The following MTA1 variants were observed in gnomAD, a reference collection of about 807,000 sequenced individuals.
The protein encoded by MTA1 is metastasis associated 1, also known as metastasis-associated protein MTA1.
MTA1 carries 15 observed loss-of-function variants against 97.0 expected under a neutral mutation model. The observed-to-expected ratio is 0.15, with a 90% CI of 0.10 to 0.24. The LOEUF (loss-of-function observed/expected upper bound fraction) is 0.24. Ranked by LOEUF, MTA1 falls within the 10% of genes least tolerant of loss-of-function variation. The pLI, the probability that MTA1 is intolerant of heterozygous loss-of-function variation, is 1.00. For synonymous variants in MTA1, 435 were observed against 417.5 expected, an observed-to-expected ratio of 1.04 and a Z score of -0.51; for missense variants, 709 against 1,015.1, an observed-to-expected ratio of 0.70 and a Z score of 4.10.
Position 105,464,661 on chromosome 14 carries a change from C to T in MTA1, c.1345-13C>T. On this transcript the variant is annotated splice_polypyrimidine_tract_variant and intron_variant, in intron 14 of 20. Transcript: ENST00000331320. ...ATGGCGCTGTGTTGGGGCGGTTGCG[C>T]CCCCTTCCGCAGAGTCCCCACGGCC... The T allele has an allele frequency of 6.2e-7, 1 of 1,602,422 alleles. No homozygotes were observed. Among genetic ancestry groups the T allele is most frequent in the Non-Finnish European group, 8.5e-7 (1 of 1,172,538 alleles).
chr14:105,450,834 A>G (rs2082899057), intron 6 of MTA1, among the ~76,000 whole-genome samples: 3 of 152,358 alleles, frequency 2.0e-5, no homozygotes, highest in African/African-American at 7.2e-5. Context: ...GTGTCCCGAC[A>G]ATGCCATACA....
intron 18 of MTA1, chr14:105,467,624 C>T (rs1166415848): frequency 1.0e-5 from 4 of 380,980 alleles, no homozygotes; most frequent in African/African-American, 4.2e-5. Flanking sequence ...AGCTTCCTCC[C>T]GACATCCCTT....
chr14:105,468,469 C>A, intron 18 of MTA1: 1 of 961,112 alleles, frequency 1.0e-6, no homozygotes, highest in South Asian at 1.4e-5. Flanking sequence ...GGGCCCCCAC[C>A]TGACCCTGCC....
At chr14:105,449,560 T>C (rs1040676405) in intron 4 of MTA1, 151 bp downstream of exon 4, 10 of 840,878 alleles carry the variant, frequency 1.2e-5, no homozygotes, top group Non-Finnish European at 1.8e-5. Flanking sequence ...CCCTCCCTTG[T>C]GTCCGGCCCA....
At chr14:105,423,736 C>T (rs587708684) in intron 1 of MTA1, among the ~76,000 whole-genome samples, 1 of 152,348 alleles carries the variant, frequency 6.6e-6, no homozygotes, top group East Asian at 1.9e-4. Context: ...CGCTCTGGCG[C>T]GCTGTTAGAA....
intron 1 of MTA1, among the ~76,000 whole-genome samples, chr14:105,432,473 T>C (rs1365816938): frequency 1.3e-5 from 2 of 152,092 alleles, no homozygotes; most frequent in Non-Finnish European, 2.9e-5. Flanking sequence ...ACTCCTGACC[T>C]CATGATCCAC....
intron 1 of MTA1, among the ~76,000 whole-genome samples, chr14:105,421,128 C>T (rs797038028): frequency 6.6e-6 from 1 of 152,092 alleles, no homozygotes; most frequent in South Asian, 2.1e-4. Context: ...GAGCCCCCTA[C>T]ATCCCGTCTG....
chr14:105,439,424 C>T (rs1265051425), intron 2 of MTA1, among the ~76,000 whole-genome samples: 2 of 152,172 alleles, frequency 1.3e-5, no homozygotes, highest in African/African-American at 4.8e-5. Context: ...CACATGGGCC[C>T]CTCAGCCCCA....
intron 1 of MTA1, among the ~76,000 whole-genome samples, chr14:105,425,787 C>T (rs1022736499): frequency 2.6e-5 from 4 of 151,902 alleles, no homozygotes; most frequent in African/African-American, 9.7e-5. Flanking sequence ...GGGCCACCCT[C>T]ATAGTGCAAG....
intron 6 of MTA1, among the ~76,000 whole-genome samples, chr14:105,453,797 G>GC (rs1555429213): frequency 6.6e-6 from 1 of 152,200 alleles, no homozygotes; most frequent in Non-Finnish European, 1.5e-5. Context: ...GGCGACAAGA[G>GC]CGAAACTCTG....
chr14:105,449,328 T>G (rs1431196849), intron 3 of MTA1, 31 bp from the exon 4 acceptor site: 1 of 1,607,420 alleles, frequency 6.2e-7, no homozygotes, highest in African/African-American at 1.3e-5. Context: ...GTGCTGACCG[T>G]GCTGCCGGGT....
intron 6 of MTA1, among the ~76,000 whole-genome samples, chr14:105,452,309 C>G (rs782509603): frequency 6.6e-5 from 10 of 152,254 alleles, no homozygotes; most frequent in Non-Finnish European, 1.5e-4. Context: ...AAACAGCACA[C>G]AGCAGTCACA....
At chr14:105,447,769 G>A (rs587739400) in intron 3 of MTA1, among the ~76,000 whole-genome samples, 21 of 152,226 alleles carry the variant, frequency 1.4e-4, no homozygotes, top group Non-Finnish European at 2.4e-4. Flanking sequence ...CTCAGAGCGC[G>A]GCCCCACTCT....
chr14:105,469,056 C>A, intron 18 of MTA1: 1 of 421,606 alleles, frequency 2.4e-6, no homozygotes, highest in Non-Finnish European at 4.8e-6. Context: ...AAAGCCCGGC[C>A]TCCTGGTGGG....
chr14:105,426,478 T>G (rs2082018807), intron 1 of MTA1, among the ~76,000 whole-genome samples: 1 of 151,684 alleles, frequency 6.6e-6, no homozygotes, highest in African/African-American at 2.4e-5. Flanking sequence ...ATCCCCTGCC[T>G]TCAGAGGACA....
At chr14:105,435,478 G>A (rs2082301026) in intron 1 of MTA1, among the ~76,000 whole-genome samples, 1 of 152,046 alleles carries the variant, frequency 6.6e-6, no homozygotes, top group South Asian at 2.1e-4. Context: ...TTTAGAGATG[G>A]GGTCCTGTGA....
At chr14:105,437,423 C>T (rs1002315988) in intron 1 of MTA1, among the ~76,000 whole-genome samples, 7 of 148,892 alleles carry the variant, frequency 4.7e-5, no homozygotes, top group African/African-American at 1.7e-4. Flanking sequence ...GCAGGTGCAT[C>T]CTCAGGGGTG....
intron 1 of MTA1, among the ~76,000 whole-genome samples, chr14:105,427,876 G>A (rs1370059534): frequency 1.3e-5 from 2 of 151,960 alleles, no homozygotes; most frequent in African/African-American, 4.8e-5. Context: ...AAAAAAGCCA[G>A]GCGTGGTGGT....
intron 1 of MTA1, among the ~76,000 whole-genome samples, chr14:105,431,135 C>G (rs1297344649): frequency 6.6e-6 from 1 of 152,208 alleles, no homozygotes. Context: ...GGTTCTGCAG[C>G]TGAAGGGCTG....
Sources: gnomAD v4.1 joint callset for allele counts (sites outside exome capture counted in the v4.1 genomes callset) on GRCh38, gnomAD v4.1.1 for gene constraint, MANE v1.5 for transcripts, NCBI Gene and HGNC (gene_info 2026-07-23, HGNC 2026-07-21) for gene names.